RNF175: variants seen among roughly 807,000 people sequenced by gnomAD.
RNF175 encodes ring finger protein 175.
A neutral mutation model predicts 50.0 loss-of-function variants in RNF175; 38 were observed. That is an observed-to-expected ratio of 0.76 (90% CI 0.59 to 1.00). The LOEUF (loss-of-function observed/expected upper bound fraction) is 1.00. Ranked by LOEUF, RNF175 falls within the 50% of genes least tolerant of loss-of-function variation. The pLI, the probability that RNF175 is intolerant of heterozygous loss-of-function variation, is 0.00. For synonymous variants in RNF175, 155 were observed against 146.1 expected, an observed-to-expected ratio of 1.06 and a Z score of -0.44; for missense variants, 388 against 409.6, an observed-to-expected ratio of 0.95 and a Z score of 0.46.
At chr4:153,740,059 AT>A (rs147910766) in intron 3 of RNF175, among the ~76,000 whole-genome samples, 26,702 of 151,046 alleles carry the variant, frequency 0.18, 3,077 homozygotes, top group Non-Finnish European at 0.25. Flanking sequence ...TTTGCATCTC[AT>A]TTTGGGAAGT....
chr4:153,755,158 C>G (rs369651544), intron 1 of RNF175, among the ~76,000 whole-genome samples: 31 of 152,398 alleles, frequency 2.0e-4, no homozygotes, highest in African/African-American at 7.0e-4. Context: ...TCCATTTGTG[C>G]TCTTGGCCTA....
chr4:153,744,624 G>A (rs1172446843), intron 3 of RNF175, among the ~76,000 whole-genome samples: 1 of 152,086 alleles, frequency 6.6e-6, no homozygotes, highest in Non-Finnish European at 1.5e-5. Flanking sequence ...AATGCATAAG[G>A]CTATGAACTG....
intron 8 of RNF175, among the ~76,000 whole-genome samples, chr4:153,710,749 G>C (rs141631412): frequency 9.2e-5 from 14 of 152,170 alleles, no homozygotes; most frequent in Non-Finnish European, 1.5e-4. Context: ...TCAAAGGCAA[G>C]GGTATATGCT....
At chr4:153,756,517 A>C (rs1740574009) in intron 1 of RNF175, among the ~76,000 whole-genome samples, 1 of 152,064 alleles carries the variant, frequency 6.6e-6, no homozygotes, top group Non-Finnish European at 1.5e-5. Flanking sequence ...CTGTACCTCC[A>C]ACCCACTACT....
chr4:153,757,731 A>G (rs1716701742), intron 1 of RNF175, among the ~76,000 whole-genome samples: 1 of 151,744 alleles, frequency 6.6e-6, no homozygotes, highest in Admixed American at 6.6e-5. Context: ...CAAGCAGAAG[A>G]GGGAACTCCT....
At chr4:153,722,313 C>G (rs913705027) in intron 5 of RNF175, among the ~76,000 whole-genome samples, 1 of 152,330 alleles carries the variant, frequency 6.6e-6, no homozygotes, top group East Asian at 1.9e-4. Flanking sequence ...GTTATCCCTA[C>G]TTCCTTTATC....
intron 1 of RNF175, among the ~76,000 whole-genome samples, chr4:153,755,394 G>C (rs1183869488): frequency 6.6e-6 from 1 of 152,206 alleles, no homozygotes; most frequent in Admixed American, 6.5e-5. Flanking sequence ...AGACACAAGT[G>C]AACAGTCAAA....
At chr4:153,724,645 A>T (rs185904340) in intron 4 of RNF175, among the ~76,000 whole-genome samples, 34 of 152,224 alleles carry the variant, frequency 2.2e-4, no homozygotes, top group African/African-American at 7.5e-4. Context: ...CAAATACTTA[A>T]GATCTATGAT....
intron 6 of RNF175, among the ~76,000 whole-genome samples, chr4:153,718,253 G>C: frequency 1.5e-5 from 1 of 68,696 alleles, no homozygotes; most frequent in Non-Finnish European, 2.6e-5. Context: ...TTTTTTTTTT[G>C]AAGCAGATGC....
At chr4:153,743,234 G>A (rs1739774706) in intron 3 of RNF175, among the ~76,000 whole-genome samples, 1 of 152,184 alleles carries the variant, frequency 6.6e-6, no homozygotes, top group Admixed American at 6.5e-5. Flanking sequence ...CACCAAGAGT[G>A]GCTGAAATGG....
intron 3 of RNF175, among the ~76,000 whole-genome samples, chr4:153,741,326 C>T (rs548498186): frequency 1.8e-4 from 27 of 152,258 alleles, no homozygotes; most frequent in African/African-American, 6.5e-4. Context: ...GGTCACTTTT[C>T]CCCTCCCCTG....
At chr4:153,722,628 T>A (rs1188642258) in intron 5 of RNF175, among the ~76,000 whole-genome samples, 1 of 152,100 alleles carries the variant, frequency 6.6e-6, no homozygotes, top group Non-Finnish European at 1.5e-5. Context: ...AAGCACTCAC[T>A]TTTTCCTCCT....
At chr4:153,759,038 T>C (rs1172717742) in intron 1 of RNF175, among the ~76,000 whole-genome samples, 1 of 152,198 alleles carries the variant, frequency 6.6e-6, no homozygotes, top group Non-Finnish European at 1.5e-5. Context: ...ATCTTTGCCC[T>C]TAAGAGTTAT....
intron 3 of RNF175, among the ~76,000 whole-genome samples, chr4:153,746,859 C>T (rs970602815): frequency 2.0e-5 from 3 of 152,232 alleles, no homozygotes; most frequent in Non-Finnish European, 4.4e-5. Context: ...TGGAGGCTGC[C>T]ATGGCCTCAC....
At chr4:153,732,974 T>C (rs1739126757) in intron 3 of RNF175, among the ~76,000 whole-genome samples, 1 of 152,198 alleles carries the variant, frequency 6.6e-6, no homozygotes, top group Non-Finnish European at 1.5e-5. Context: ...CCCACCTTCT[T>C]TCCACTTTTG....
chr4:153,721,843 T>TA (rs1213281242), intron 5 of RNF175, among the ~76,000 whole-genome samples: 1 of 152,164 alleles, frequency 6.6e-6, no homozygotes, highest in Non-Finnish European at 1.5e-5. Flanking sequence ...GACAGTATGT[T>TA]AAAAAAGACA....
intron 3 of RNF175, chr4:153,729,794 C>G (rs1738926946): frequency 1.0e-6 from 1 of 985,338 alleles, no homozygotes; most frequent in Non-Finnish European, 1.2e-6. Context: ...CAAAAACACA[C>G]ACGGAGCAAG....
intron 3 of RNF175, chr4:153,745,747 A>T (rs7656179): frequency 0.014 from 2,184 of 152,268 alleles, 65 homozygotes; most frequent in African/African-American, 0.049. Context: ...TTCATGGCAT[A>T]AGACAAGAGG....
intron 3 of RNF175, chr4:153,729,872 A>C (rs1221802535): frequency 6.0e-6 from 5 of 836,114 alleles, no homozygotes; most frequent in African/African-American, 2.1e-5. Context: ...TTTAACTTCA[A>C]GGAATACTTT....
Sources: allele counts gnomAD v4.1 joint callset (sites outside exome capture counted in the v4.1 genomes callset), GRCh38; gene constraint gnomAD v4.1.1; transcripts MANE v1.5; gene names NCBI Gene and HGNC (gene_info 2026-07-23, HGNC 2026-07-21).